Variants in PRKN observed in about 807,000 individuals in gnomAD.
PRKN encodes parkin RBR E3 ubiquitin protein ligase.
In PRKN, 56 loss-of-function variants were observed where a neutral mutation model predicts 59.5. That is an observed-to-expected ratio of 0.94 (90% CI 0.76 to 1.18). The LOEUF (loss-of-function observed/expected upper bound fraction) is 1.18. Among genes scored for constraint, PRKN ranks in the 50% most tolerant of loss-of-function variants. The pLI is 0.00. For missense variants in PRKN, 657 were observed against 596.4 expected (o/e 1.10, Z -1.06); for synonymous variants, 250 against 222.1 (o/e 1.13, Z -1.12).
intron 1 of PRKN, among the ~76,000 whole-genome samples, chr6:162,666,309 C>T (rs1259319976): frequency 1.3e-5 from 2 of 151,750 alleles, no homozygotes; most frequent in Non-Finnish European, 2.9e-5. Flanking sequence ...GAATAAATAT[C>T]CTGGATTTTC....
intron 6 of PRKN, among the ~76,000 whole-genome samples, chr6:161,818,381 C>T (rs1429190797): frequency 6.6e-6 from 1 of 151,338 alleles, no homozygotes; most frequent in Admixed American, 6.6e-5. Flanking sequence ...GTCACCCAGG[C>T]TGGAGTGCAG....
intron 1 of PRKN, among the ~76,000 whole-genome samples, chr6:162,704,088 G>A (rs887392380): frequency 2.0e-5 from 3 of 152,116 alleles, no homozygotes; most frequent in East Asian, 3.9e-4. Flanking sequence ...CCTGGTACCC[G>A]CTGAGCCTCA....
chr6:162,347,336 ATT>A (rs11298277), intron 2 of PRKN, among the ~76,000 whole-genome samples: 52 of 150,586 alleles, frequency 3.5e-4, no homozygotes, highest in African/African-American at 7.0e-4. Flanking sequence ...AGTATATAGA[ATT>A]TTTTTTTTAT....
chr6:161,374,182 G>A (rs1036612062), intron 10 of PRKN, among the ~76,000 whole-genome samples: 2 of 152,072 alleles, frequency 1.3e-5, no homozygotes, highest in Non-Finnish European at 1.5e-5. Flanking sequence ...TGTGAGTGGC[G>A]AGTGTGTGCA....
chr6:162,115,767 T>C (rs1479035858), intron 4 of PRKN, among the ~76,000 whole-genome samples: 1 of 152,130 alleles, frequency 6.6e-6, no homozygotes, highest in Non-Finnish European at 1.5e-5. Context: ...TAAAAGCGGA[T>C]GTCTGAAGTA....
intron 6 of PRKN, among the ~76,000 whole-genome samples, chr6:161,951,199 A>T (rs1779977841): frequency 6.6e-6 from 1 of 152,108 alleles, no homozygotes; most frequent in African/African-American, 2.4e-5. Context: ...GATAATTAAA[A>T]TACGAAACAG....
intron 6 of PRKN, among the ~76,000 whole-genome samples, chr6:161,936,278 C>T (rs1047397263): frequency 3.4e-5 from 5 of 147,144 alleles, no homozygotes; most frequent in African/African-American, 5.0e-5. Flanking sequence ...GGTGTGATCT[C>T]GGCTCATTGC....
At chr6:162,319,918 A>G (rs1267334022) in intron 2 of PRKN, among the ~76,000 whole-genome samples, 1 of 151,898 alleles carries the variant, frequency 6.6e-6, no homozygotes, top group Non-Finnish European at 1.5e-5. Context: ...AATATATATA[A>G]TATACATTGT....
chr6:161,854,371 C>T (rs1793559797), intron 6 of PRKN, among the ~76,000 whole-genome samples: 2 of 151,640 alleles, frequency 1.3e-5, no homozygotes, highest in Non-Finnish European at 2.9e-5. Context: ...ATTCGAAATG[C>T]ATATGTGATG....
Position 161,733,770 on chromosome 6 carries a change from GAA to G in PRKN, c.871+52000_871+52001del, listed in dbSNP as rs71544915. On this transcript the variant is annotated intron_variant, in intron 7 of 11. Coordinates refer to ENST00000366898, the MANE Select transcript of PRKN (RefSeq NM_004562.3). The stretch of plus-strand genomic sequence containing the variant: ...GTATTGTTGAAAATTCCCAGGGGGT[GAA>G]AAAAAAAAAAAATATATATATATAT... Among the ~76,000 whole-genome samples, 970 of 102,342 alleles carry G rather than the reference GAA, an allele frequency of 9.5e-3. 10 individuals are homozygous for G. The highest frequency in any genetic ancestry group is 0.028 in the East Asian group (111 of 3,986). 67.1% of individuals were successfully genotyped at this position (102,342 alleles called of 152,430 possible).
intron 6 of PRKN, among the ~76,000 whole-genome samples, chr6:161,873,586 G>A (rs528702536): frequency 6.6e-6 from 1 of 151,914 alleles, no homozygotes; most frequent in Non-Finnish European, 1.5e-5. Flanking sequence ...CCCCTTCCTA[G>A]AAAGAAAAGA....
chr6:162,625,614 A>C (rs1372668433), intron 1 of PRKN, among the ~76,000 whole-genome samples: 1 of 151,238 alleles, frequency 6.6e-6, no homozygotes, highest in East Asian at 1.9e-4. Context: ...TCCCTCCCTT[A>C]TTGTCTTTCT....
intron 7 of PRKN, among the ~76,000 whole-genome samples, chr6:161,703,839 C>CT (rs71004062): frequency 0.011 from 642 of 59,836 alleles, 61 homozygotes; most frequent in Non-Finnish European, 0.014. Flanking sequence ...CTCTCTCTCT[C>CT]TTTTTTTTTT....
At chr6:162,414,165 A>T (rs1341175695) in intron 2 of PRKN, among the ~76,000 whole-genome samples, 1 of 151,660 alleles carries the variant, frequency 6.6e-6, no homozygotes, top group African/African-American at 2.4e-5. Flanking sequence ...CCTGGGCCAC[A>T]GGGTGAGACT....
rs62436005 is a variant in PRKN, at chr6:162,035,006, G to T, written c.618+19085C>A. On this transcript the variant is annotated intron_variant, in intron 5 of 11. Transcript: ENST00000366898. ...TAGTTCGCTCACGGTTCTGAAGGCT[G>T]TACAAGAAGCATGTCACCAGCACCT... Among the ~76,000 whole-genome samples, 280 of 152,298 alleles carry T rather than the reference G, an allele frequency of 1.8e-3. 1 individual carries two copies. The highest frequency in any genetic ancestry group is 3.1e-3 in the Non-Finnish European group (210 of 68,034).
chr6:161,403,615 T>C (rs558412804), intron 9 of PRKN, among the ~76,000 whole-genome samples: 4 of 152,336 alleles, frequency 2.6e-5, no homozygotes, highest in African/African-American at 7.2e-5. Context: ...AATCACTCTC[T>C]GGAGAGCCAC....
In PRKN at chr6:161,552,816, C is replaced by T. The variant is rs868703821; in HGVS notation, c.934-3813G>A. ...TTGTTTTTTGTTTTTTTTTTTTAGA[C>T]GGAGTCTCGTTGTTACGCGGCTGGA... On this transcript the variant is annotated intron_variant, in intron 8 of 11. Coordinates refer to ENST00000366898, the MANE Select transcript of PRKN (RefSeq NM_004562.3). This position sits in a 1 kb window ranked among gnomAD's most constrained non-coding sequence, Gnocchi z 4.9. 1.5e-5 allele frequency among the ~76,000 whole-genome samples: 2 copies of T among 136,420 alleles called. No homozygotes were observed. The highest frequency in any genetic ancestry group is 2.4e-4 in the South Asian group (1 of 4,170). 89.5% of individuals were successfully genotyped at this position (136,420 alleles called of 152,430 possible).
At chr6:161,614,646 T>C (rs184863527) in intron 7 of PRKN, among the ~76,000 whole-genome samples, 25 of 152,366 alleles carry the variant, frequency 1.6e-4, no homozygotes, top group South Asian at 4.1e-4. Flanking sequence ...AAATAGTTGA[T>C]ATTGTTTCAC....
chr6:162,185,620 C>A (rs142795458), intron 4 of PRKN, among the ~76,000 whole-genome samples: 1 of 152,140 alleles, frequency 6.6e-6, no homozygotes, highest in Non-Finnish European at 1.5e-5. Context: ...GACAGCAGCT[C>A]TGTGGTACGA....
Sources: gnomAD v4.1 joint callset for allele counts (sites outside exome capture counted in the v4.1 genomes callset) on GRCh38, gnomAD v4.1.1 for gene constraint, Gnocchi (gnomAD v3.1) non-coding constraint, MANE v1.5 for transcripts, NCBI Gene and HGNC (gene_info 2026-07-23, HGNC 2026-07-21) for gene names.